The following TENM3 variants were observed in gnomAD, a reference collection of about 807,000 sequenced individuals.
TENM3 encodes the protein teneurin-3.
A neutral mutation model predicts 255.1 loss-of-function variants in TENM3; 63 were observed. The ratio of observed to expected loss-of-function variants is 0.25; its 90% CI spans 0.20 to 0.30. The LOEUF is 0.30. Ranked by LOEUF, TENM3 falls within the 10% of genes least tolerant of loss-of-function variation. The probability of loss-of-function intolerance (pLI) is 1.00; values close to 1 mark genes in which losing one functional copy is unlikely to be tolerated. For synonymous variants in TENM3, 1,306 were observed against 1,322.3 expected, an observed-to-expected ratio of 0.99 and a Z score of 0.27; for missense variants, 2,929 against 3,461.1, an observed-to-expected ratio of 0.85 and a Z score of 3.86.
intron 3 of TENM3, among the ~76,000 whole-genome samples, chr4:182,544,042 G>A (rs762874671): frequency 6.6e-6 from 1 of 152,116 alleles, no homozygotes; most frequent in Non-Finnish European, 1.5e-5. Context: ...TAAAGGGAAA[G>A]ATAACACACT....
chr4:181,944,260 C>T, the TENM3 span, among the ~76,000 whole-genome samples: 1 of 151,688 alleles, frequency 6.6e-6, no homozygotes. Context: ...GGGTGGGACA[C>T]TGATATTATA....
the TENM3 span, among the ~76,000 whole-genome samples, chr4:181,709,790 C>G: frequency 6.6e-5 from 10 of 152,178 alleles, no homozygotes; most frequent in African/African-American, 2.4e-4. Context: ...TGGTTAGATT[C>G]AGGACTTATT....
At chr4:181,909,610 C>A in the TENM3 span, among the ~76,000 whole-genome samples, 1 of 149,394 alleles carries the variant, frequency 6.7e-6, no homozygotes, top group Non-Finnish European at 1.5e-5. Context: ...CCACATCATA[C>A]TGTATTTGTT....
At chr4:182,473,141 A>G (rs942825434) in intron 3 of TENM3, among the ~76,000 whole-genome samples, 1 of 152,112 alleles carries the variant, frequency 6.6e-6, no homozygotes, top group African/African-American at 2.4e-5. Context: ...GAATATTTTA[A>G]TATAATATAC....
At chr4:182,583,690 G>A (rs1745731140) in intron 3 of TENM3, among the ~76,000 whole-genome samples, 1 of 151,858 alleles carries the variant, frequency 6.6e-6, no homozygotes, top group African/African-American at 2.4e-5. Flanking sequence ...AATTTTTGAA[G>A]TTTTTAAAAT....
Position 182,789,129 on chromosome 4 carries a change from C to T in TENM3, c.5341C>T (p.Arg1781Ter), listed in dbSNP as rs773188257. The T allele has an allele frequency of 6.2e-7, 1 of 1,609,964 alleles. No individual in the cohort carries two copies. The highest frequency in any genetic ancestry group is 8.5e-7 in the Non-Finnish European group (1 of 1,177,074). Residue 1781 changes from arginine to a stop codon, truncating the protein, a stop_gained, in exon 25 of 28, where the codon CGA becomes TGA. Transcript: ENST00000511685. LOFTEE classifies it high-confidence loss of function. The surrounding 1 kb of genome is among the most constrained non-coding windows in gnomAD (Gnocchi z 4.4). ...GRNLLSVDFDRTTKTEKIYDD... is the reference protein window; with the variant it reads ...GRNLLSVDFD ...AAACCTCCTTTCAGTTGACTTTGAT[C>T]GAACAACAAAGACAGAAAAGATCTA...
At chr4:182,222,496 GC>G (rs1161498478) in intron 1 of TENM3, among the ~76,000 whole-genome samples, 1 of 152,230 alleles carries the variant, frequency 6.6e-6, no homozygotes, top group Non-Finnish European at 1.5e-5. Context: ...CTTTTTCCAG[GC>G]TTATCTGTTT....
chr4:182,668,751 G>C (rs1316745846), intron 6 of TENM3, among the ~76,000 whole-genome samples: 1 of 152,124 alleles, frequency 6.6e-6, no homozygotes, highest in Non-Finnish European at 1.5e-5. Flanking sequence ...AAGAAACAAG[G>C]CAAGAATACC....
intron 3 of TENM3, among the ~76,000 whole-genome samples, chr4:182,486,119 G>A (rs1734678112): frequency 6.6e-6 from 1 of 152,060 alleles, no homozygotes; most frequent in African/African-American, 2.4e-5. Flanking sequence ...GAGTGCAGGT[G>A]TGGAAGAATA....
At chr4:181,493,818 T>A in the TENM3 span, among the ~76,000 whole-genome samples, 1 of 152,154 alleles carries the variant, frequency 6.6e-6, no homozygotes, top group Admixed American at 6.5e-5. Flanking sequence ...GCTTTGACAT[T>A]CGCCTACGTA....
the TENM3 span, among the ~76,000 whole-genome samples, chr4:181,622,649 C>G: frequency 6.6e-6 from 1 of 152,140 alleles, no homozygotes; most frequent in African/African-American, 2.4e-5. Flanking sequence ...GTACCCCAAC[C>G]TGGGCAACAG....
the TENM3 span, among the ~76,000 whole-genome samples, chr4:181,952,627 G>A: frequency 5.3e-5 from 8 of 152,228 alleles, no homozygotes; most frequent in African/African-American, 1.4e-4. Flanking sequence ...TAATGACTCA[G>A]ACAGACTTTA....
intron 3 of TENM3, among the ~76,000 whole-genome samples, chr4:182,526,121 A>C (rs745313753): frequency 2.6e-5 from 4 of 152,098 alleles, no homozygotes; most frequent in Non-Finnish European, 5.9e-5. Context: ...CTGGGATTAC[A>C]GGCACGTGCC....
Position 182,462,037 on chromosome 4 carries a change from A to C in TENM3, c.511+115108A>C, listed in dbSNP as rs1006903719. On this transcript the variant is annotated intron_variant, in intron 3 of 27. Coordinates refer to ENST00000511685, the MANE Select transcript of TENM3 (RefSeq NM_001080477.4). ...TGCAAGTGATTGCAAACTGCCTCATATCTTACATACTCATCACAGCCTCCT... is the reference window on the plus strand; with the variant it reads ...TGCAAGTGATTGCAAACTGCCTCATCTCTTACATACTCATCACAGCCTCCT... 2.7e-5 allele frequency among the ~76,000 whole-genome samples: 4 copies of C among 149,226 alleles called. No homozygotes were observed. In the East Asian group the frequency reaches 7.9e-4, roughly 30 times the overall value.
intron 4 of TENM3, among the ~76,000 whole-genome samples, chr4:182,610,552 A>G (rs11726016): frequency 0.72 from 108,472 of 151,676 alleles, 39,780 homozygotes; most frequent in East Asian, 0.94. Flanking sequence ...GTTTGGTAGC[A>G]TGTGCCTATA....
the TENM3 span, among the ~76,000 whole-genome samples, chr4:181,477,067 CAT>C: frequency 1.3e-3 from 2 of 1,530 alleles, no homozygotes; most frequent in Non-Finnish European, 0.012. Context: ...AAACCCAATT[CAT>C]TCATTCATTC....
intron 1 of TENM3, among the ~76,000 whole-genome samples, chr4:182,227,288 G>A (rs1756221873): frequency 6.6e-6 from 1 of 152,148 alleles, no homozygotes; most frequent in Non-Finnish European, 1.5e-5. Context: ...GTGCTTAAGT[G>A]GAGGTCCACA....
intron 1 of TENM3, among the ~76,000 whole-genome samples, chr4:182,204,284 G>A (rs1193807167): frequency 1.3e-5 from 2 of 152,158 alleles, no homozygotes; most frequent in African/African-American, 4.8e-5. Context: ...GTTATCTTTA[G>A]GCTCATGTAA....
intron 3 of TENM3, among the ~76,000 whole-genome samples, chr4:182,526,171 G>C (rs1739150462): frequency 6.6e-6 from 1 of 151,994 alleles, no homozygotes; most frequent in Non-Finnish European, 1.5e-5. Flanking sequence ...TAGTAGAGAC[G>C]GGGTTTCACA....
Sources: gnomAD v4.1 joint callset for allele counts (sites outside exome capture counted in the v4.1 genomes callset) on GRCh38, gnomAD v4.1.1 for gene constraint, Gnocchi (gnomAD v3.1) non-coding constraint, MANE v1.5 for transcripts, NCBI Gene and HGNC (gene_info 2026-07-23, HGNC 2026-07-21) for gene names.